SH2B1: variants seen among roughly 807,000 people sequenced by gnomAD.
SH2B1 encodes SH2B adaptor protein 1, also known as SH2B adapter protein 1.
A neutral mutation model predicts 62.6 loss-of-function variants in SH2B1; 15 were observed. The ratio of observed to expected loss-of-function variants is 0.24; its 90% CI spans 0.16 to 0.37. The LOEUF (loss-of-function observed/expected upper bound fraction) is 0.37, where lower values mean the gene tolerates loss of function less well. Among genes scored for constraint, SH2B1 ranks in the 10% least tolerant of loss-of-function variants. The pLI, the probability that SH2B1 is intolerant of heterozygous loss-of-function variation, is 1.00. For synonymous variants in SH2B1, 443 were observed against 438.0 expected (o/e 1.01, Z -0.14); for missense variants, 925 against 1,015.6 (o/e 0.91, Z 1.21).
upstream of SH2B1, among the ~76,000 whole-genome samples, chr16:28,859,900 T>G (rs1962403967): frequency 7.2e-6 from 1 of 138,548 alleles, no homozygotes; most frequent in Non-Finnish European, 1.6e-5. Context: ...CATGTTTAAG[T>G]TAGCTGGAAT....
chr16:28,852,951 T>TTATATATGTACATATATATTTTA (rs1962212421), intron 1 of SH2B1, among the ~76,000 whole-genome samples: 1 of 88,316 alleles, frequency 1.1e-5, no homozygotes, highest in Non-Finnish European at 2.0e-5. Context: ...CATATATATT[T>TTATATATGTACATATATATTTTA]TATATATGTA....
chr16:28,849,333 G>C (rs954408221), intron 1 of SH2B1, among the ~76,000 whole-genome samples: 7 of 152,100 alleles, frequency 4.6e-5, no homozygotes, highest in African/African-American at 1.7e-4. Context: ...CGGGGCCCAA[G>C]CCGTCTGCCC....
At position 28,866,197 on chromosome 16, in the gene SH2B1, CG is replaced by C; in HGVS notation, c.106del (p.Ala36LeufsTer60). On this transcript the variant is annotated frameshift_variant, in exon 1 of 8. Coordinates refer to ENST00000684370, the MANE Select transcript of SH2B1 (RefSeq NM_001387430.1). LOFTEE classifies it high-confidence loss of function. This position sits in a 1 kb window ranked among gnomAD's most constrained non-coding sequence, Gnocchi z 6.3. ...SWREFCESHA[R>X]AAALDFARRF... ...GCGGGAGTTCTGTGAGTCCCACGCC[CG>C]GGCTGCGGCTCTGGACTTTGCCCGC... 6.3e-7 allele frequency: 1 copy of C among 1,591,354 alleles called. No homozygotes were observed.
At chr16:28,848,539 C>T (rs976405848) in intron 1 of SH2B1, among the ~76,000 whole-genome samples, 1 of 152,046 alleles carries the variant, frequency 6.6e-6, no homozygotes, top group East Asian at 1.9e-4. Flanking sequence ...TCACAATCAG[C>T]GCTCCCAGTG....
Position 28,866,700 on chromosome 16 carries a change from C to G in SH2B1, c.606C>G (p.Ser202=). The change falls in exon 1 of 8, where the codon TCC becomes TCG. Residue 202 remains serine (S), a synonymous_variant. Coordinates refer to ENST00000684370, the MANE Select transcript of SH2B1 (RefSeq NM_001387430.1). The surrounding 1 kb of genome is among the most constrained non-coding windows in gnomAD (Gnocchi z 6.3). The part of the protein sequence containing the change: ...PVLGGNSNSN[S]SGGAGTVGRG... The stretch of plus-strand genomic sequence containing the variant: ...TAGGTGGAAACAGCAACTCCAACTC[C>G]TCTGGCGGGGCTGGGACCGTTGGTA... The G allele has an allele frequency of 6.3e-7, 1 of 1,596,546 alleles. No homozygotes were observed.
chr16:28,853,174 A>G (rs1392287824), intron 1 of SH2B1, among the ~76,000 whole-genome samples: 2 of 136,850 alleles, frequency 1.5e-5, no homozygotes, highest in East Asian at 2.1e-4. Context: ...AAATATATAT[A>G]TATTTTTTGG....
In SH2B1 at chr16:28,866,392, G is replaced by T. The variant is rs1316326190; in HGVS notation, c.298G>T (p.Glu100Ter). ...PILAPLSPGAEISPHDLSLES... is the reference protein window; with the variant it reads ...PILAPLSPGA ...CCTGGCTCCCCTGAGCCCTGGTGCG[G>T]AGATTTCGCCACATGACCTGTCCCT... The change falls in exon 1 of 8, where the codon GAG becomes TAG. Residue 100 changes from glutamate (E) to a stop codon, truncating the protein, a stop_gained. Coordinates refer to ENST00000684370, the MANE Select transcript of SH2B1 (RefSeq NM_001387430.1). LOFTEE classifies it high-confidence loss of function. The surrounding 1 kb of genome is among the most constrained non-coding windows in gnomAD (Gnocchi z 6.3). The T allele has an allele frequency of 6.2e-7, 1 of 1,613,758 alleles. No homozygotes were observed. Among genetic ancestry groups the T allele is most frequent in the Non-Finnish European group, 8.5e-7 (1 of 1,180,008 alleles).
chr16:28,861,483 A>C (rs1165876148), upstream of SH2B1: 2 of 150,658 alleles, frequency 1.3e-5, no homozygotes, highest in Non-Finnish European at 2.9e-5. Context: ...CCCAGGCTGG[A>C]GTGCAGTGGT....
chr16:28,871,447 C>G (rs936874849), intron 4 of SH2B1, among the ~76,000 whole-genome samples: 1 of 152,170 alleles, frequency 6.6e-6, no homozygotes, highest in African/African-American at 2.4e-5. Flanking sequence ...TATTATATAG[C>G]GAGACCCCTT....
At position 28,863,875 on chromosome 16, in the gene SH2B1, G is replaced by T. The variant is rs1962537014; in HGVS notation, c.-2220G>T. Reference sequence around the variant, plus strand: ...GCTGGGCGCTCGTCGCGTAGTGGGTGGGGGCGCAGGGAGCGGGAGCCGCCG... The same window carrying T: ...GCTGGGCGCTCGTCGCGTAGTGGGTTGGGGCGCAGGGAGCGGGAGCCGCCG... On this transcript the variant is annotated 5_prime_UTR_variant, in exon 1 of 8. Transcript: ENST00000684370. The T allele has an allele frequency of 6.6e-6, 10 of 1,511,576 alleles. No individual in the cohort carries two copies. Among genetic ancestry groups the T allele is most frequent in the East Asian group, 2.5e-5 (1 of 40,402 alleles). 93.6% of individuals were successfully genotyped at this position (1,511,576 alleles called of 1,614,324 possible). A position where few individuals can be genotyped will look rare whatever the true frequency, so the allele number is the denominator to read the frequency against.
At chr16:28,870,672 T>TA (rs1020977362) in intron 4 of SH2B1, among the ~76,000 whole-genome samples, 2 of 152,218 alleles carry the variant, frequency 1.3e-5, no homozygotes, top group South Asian at 4.1e-4. Flanking sequence ...TTTTTATTTT[T>TA]AAAAAATTAT....
rs1596619916 is a variant in SH2B1 at position 28,864,454 on chromosome 16, C to T, written c.-1641C>T. ...GTTTGCACTTCTTGGCTGGGTTCCC[C>T]CGTGCTCCATGACTCCTGCATCTCC... is the stretch of plus-strand genomic sequence containing the variant. On this transcript the variant is annotated 5_prime_UTR_variant, in exon 1 of 8. Transcript: ENST00000684370. 2 of 986,368 alleles carry T rather than the reference C, an allele frequency of 2.0e-6. No individual in the cohort carries two copies. Among genetic ancestry groups the T allele is most frequent in the Non-Finnish European group, 1.2e-6 (1 of 830,490 alleles). 61.1% of individuals were successfully genotyped at this position (986,368 alleles called of 1,614,324 possible). A position where few individuals can be genotyped will look rare whatever the true frequency, so the allele number is the denominator to read the frequency against.
chr16:28,864,063 G>T lies in SH2B1; in HGVS notation c.-2032G>T, dbSNP rs1962550057. The T allele has an allele frequency of 5.2e-6, 7 of 1,356,834 alleles. No individual in the cohort carries two copies. The highest frequency in any genetic ancestry group is 3.8e-6 in the Non-Finnish European group (4 of 1,050,790). The allele number at this position is 1,356,834 out of a possible 1,614,324, so 84.0% of individuals were successfully genotyped here. A position where few individuals can be genotyped will look rare whatever the true frequency, so the allele number is the denominator to read the frequency against. ...GCGTGGAGGGCCGGGGGCTGGAGAG[G>T]CACTCGGCCCCGGAGAGTGCAGCAG... is the stretch of plus-strand genomic sequence containing the variant. On this transcript the variant is annotated 5_prime_UTR_variant, in exon 1 of 8. Coordinates refer to ENST00000684370, the MANE Select transcript of SH2B1 (RefSeq NM_001387430.1).
At chr16:28,852,558 T>TA (rs1567458808) in intron 1 of SH2B1, among the ~76,000 whole-genome samples, 1 of 17,262 alleles carries the variant, frequency 5.8e-5, no homozygotes, top group Non-Finnish European at 7.7e-5. Flanking sequence ...ATACACATAT[T>TA]TATATATATA....
upstream of SH2B1, among the ~76,000 whole-genome samples, chr16:28,860,239 C>A (rs2152165183): frequency 6.6e-6 from 1 of 151,696 alleles, no homozygotes; most frequent in Non-Finnish European, 1.5e-5. Context: ...TTTTTCCTCC[C>A]ACTTCTTGAA....
chr16:28,855,829 G>C (rs1306689761), intron 1 of SH2B1, among the ~76,000 whole-genome samples: 2 of 53,256 alleles, frequency 3.8e-5, no homozygotes, highest in Admixed American at 4.0e-4. Flanking sequence ...TTTTTTTTTT[G>C]GATTTTTAGT....
Position 28,864,050 on chromosome 16 carries a change from G to C in SH2B1, c.-2045G>C. 2 of 1,363,464 alleles carry C rather than the reference G, an allele frequency of 1.5e-6. No individual in the cohort carries two copies. The highest frequency in any genetic ancestry group is 1.9e-6 in the Non-Finnish European group (2 of 1,055,196). The allele number at this position is 1,363,464 out of a possible 1,614,324, so 84.5% of individuals were successfully genotyped here. A position where few individuals can be genotyped will look rare whatever the true frequency, so the allele number is the denominator to read the frequency against. On this transcript the variant is annotated 5_prime_UTR_variant, in exon 1 of 8. Coordinates refer to ENST00000684370, the MANE Select transcript of SH2B1 (RefSeq NM_001387430.1). ...TGGGTGGGGGTGGGCGTGGAGGGCC[G>C]GGGGCTGGAGAGGCACTCGGCCCCG...
chr16:28,869,539 G>A (rs555660087), intron 4 of SH2B1, among the ~76,000 whole-genome samples, 156 bp downstream of exon 4: 1 of 152,182 alleles, frequency 6.6e-6, no homozygotes, highest in South Asian at 2.1e-4. Flanking sequence ...TTTGATCCCT[G>A]AACACAGCCA....
At position 28,852,551 on chromosome 16, in the gene SH2B1, C is replaced by CAT. The variant is rs1334349453; in HGVS notation, c.-301+5725_-301+5726insTA. On this transcript the variant is annotated intron_variant, in intron 1 of 10. Coordinates refer to the SH2B1 transcript ENST00000322610. ...ATATACACATATATTTATATATATA[C>CAT]ACATATTTATATATATACACATATA... 1.6e-3 allele frequency among the ~76,000 whole-genome samples: 22 copies of CAT among 14,054 alleles called. 9 individuals are homozygous for CAT. Among genetic ancestry groups the CAT allele is most frequent in the African/African-American group, 0.016 (17 of 1,094 alleles). 9.2% of individuals were successfully genotyped at this position (14,054 alleles called of 152,430 possible). A position where few individuals can be genotyped will look rare whatever the true frequency, so the allele number is the denominator to read the frequency against.
Sources: allele counts gnomAD v4.1 joint callset (sites outside exome capture counted in the v4.1 genomes callset), GRCh38; gene constraint gnomAD v4.1.1; non-coding constraint Gnocchi (gnomAD v3.1); transcripts MANE v1.5; gene names NCBI Gene and HGNC (gene_info 2026-07-23, HGNC 2026-07-21).